SLC6A7: variants seen among roughly 807,000 people sequenced by gnomAD.
SLC6A7 encodes the protein sodium-dependent proline transporter.
Under a neutral mutation model 73.1 loss-of-function variants are expected in SLC6A7, and 58 were observed. The observed-to-expected ratio is 0.79, with a 90% confidence interval of 0.64 to 0.99. The LOEUF (loss-of-function observed/expected upper bound fraction) is 0.99, where lower values mean the gene tolerates loss of function less well. Among genes scored for constraint, SLC6A7 ranks in the 50% least tolerant of loss-of-function variants. SLC6A7 has a pLI of 0.00. For missense variants in SLC6A7, 783 were observed against 831.4 expected (o/e 0.94, Z 0.72); for synonymous variants, 338 against 338.7 (o/e 1.00, Z 0.02).
chr5:150,202,610 A>T lies in SLC6A7; in HGVS notation c.994A>T (p.Ile332Phe), dbSNP rs866019835. The change falls in exon 8 of 14, where the codon ATC (isoleucine) becomes TTC (phenylalanine). Residue 332 changes from isoleucine (I) to phenylalanine (F), a missense_variant. Coordinates refer to ENST00000230671, the MANE Select transcript of SLC6A7 (RefSeq NM_014228.5). The stretch of plus-strand genomic sequence containing the variant: ...TTTCATCGTCACTCTGGGCAACGCC[A>T]TCACCAGCATCCTGGCTGGCTTTGC... ...DTFIVTLGNAITSILAGFAIF... is the reference protein window; with the variant it reads ...DTFIVTLGNAFTSILAGFAIF... 6.2e-7 allele frequency: 1 copy of T among 1,614,242 alleles called. No homozygotes were observed. Among genetic ancestry groups the T allele is most frequent in the Non-Finnish European group, 8.5e-7 (1 of 1,180,040 alleles).
chr5:150,204,667 C>T lies in SLC6A7; in HGVS notation c.1432+36C>T, dbSNP rs74439059. 2.9e-3 allele frequency: 4,350 copies of T among 1,511,372 alleles called. 102 individuals carry two copies. In the African/African-American group the frequency reaches 0.051, roughly 18 times the overall value. 93.6% of individuals were successfully genotyped at this position (1,511,372 alleles called of 1,614,324 possible). A position where few individuals can be genotyped will look rare whatever the true frequency, so the allele number is the denominator to read the frequency against. On this transcript the variant is annotated intron_variant, in intron 11 of 13. Coordinates refer to ENST00000230671, the MANE Select transcript of SLC6A7 (RefSeq NM_014228.5). ...CCGTGGGAAGTGGAGTCGAGCTCTC[C>T]GCAGTGGGAGAATGGGAGTCTACCC...
chr5:150,194,352 C>T (rs1752916595), intron 1 of SLC6A7, among the ~76,000 whole-genome samples: 1 of 151,792 alleles, frequency 6.6e-6, no homozygotes, highest in African/African-American at 2.4e-5. Context: ...TTGCTTGAAC[C>T]CGGGAGGTGG....
chr5:150,196,170 C>A (rs1235231384), intron 2 of SLC6A7, among the ~76,000 whole-genome samples: 2 of 152,228 alleles, frequency 1.3e-5, no homozygotes, highest in African/African-American at 2.4e-5. Context: ...ACACTTCCAA[C>A]TAATTCTGCC....
In SLC6A7 at chr5:150,201,149, G is replaced by A; in HGVS notation, c.784G>A (p.Val262Ile). 6.2e-7 allele frequency: 1 copy of A among 1,613,798 alleles called. No individual in the cohort carries two copies. The highest frequency in any genetic ancestry group is 8.5e-7 in the Non-Finnish European group (1 of 1,179,842). The change falls in exon 6 of 14, where the codon GTC (valine) becomes ATC (isoleucine). Residue 262 changes from valine to isoleucine, a missense_variant. By Grantham distance (29) the Val-to-Ile change is conservative (BLOSUM62 3). Transcript: ENST00000230671. ...LILLMLLVRG[V>I]TLPGAWKGIQ... is the part of the protein sequence containing the mutation. ...CCTGCTCATGCTGCTGGTCCGCGGA[G>A]TCACCCTCCCAGGGGCCTGGAAGGG...
In SLC6A7 at chr5:150,209,450, G is replaced by C; in HGVS notation, c.1746G>C (p.Ser582=). The change falls in exon 14 of 14, where the codon TCG becomes TCC. Residue 582 remains serine, a synonymous_variant. Coordinates refer to ENST00000230671, the MANE Select transcript of SLC6A7 (RefSeq NM_014228.5). ...GGCCGGCCATGGACTGGGGACCATC[G>C]CTGGAGGAGAACCGGACGGGCATGT... ...ASRPAMDWGP[S]LEENRTGMYV... 3 of 1,614,070 alleles carry C rather than the reference G, an allele frequency of 1.9e-6. No homozygotes were observed. The highest frequency in any genetic ancestry group is 2.5e-6 in the Non-Finnish European group (3 of 1,180,048).
chr5:150,202,278 T>G, intron 6 of SLC6A7, 69 bp from the exon 7 acceptor site: 1 of 1,084,918 alleles, frequency 9.2e-7, no homozygotes, highest in South Asian at 1.3e-5. Flanking sequence ...CACACCATCT[T>G]CATTCACTGC....
intron 13 of SLC6A7, among the ~76,000 whole-genome samples, chr5:150,206,810 G>A (rs1272245260): frequency 6.6e-6 from 1 of 152,206 alleles, no homozygotes; most frequent in Non-Finnish European, 1.5e-5. Flanking sequence ...GCTTAGGGGG[G>A]AGGCTCCAGC....
intron 1 of SLC6A7, among the ~76,000 whole-genome samples, chr5:150,192,442 G>A (rs148691049): frequency 7.9e-4 from 120 of 152,308 alleles, no homozygotes; most frequent in African/African-American, 2.8e-3. Context: ...GGAGATTCAG[G>A]AGTGGGAGGC....
rs768780763 is a variant in SLC6A7, at chr5:150,203,653, T to G, written c.1088-14T>G. 3.5e-6 allele frequency: 5 copies of G among 1,437,936 alleles called. No homozygotes were observed. The highest frequency in any genetic ancestry group is 4.9e-6 in the Non-Finnish European group (5 of 1,019,218). The allele number at this position is 1,437,936 out of a possible 1,614,324, so 89.1% of individuals were successfully genotyped here. A position where few individuals can be genotyped will look rare whatever the true frequency, so the allele number is the denominator to read the frequency against. On this transcript the variant is annotated splice_polypyrimidine_tract_variant and intron_variant, in intron 8 of 13. Transcript: ENST00000230671. ...CATGACCCAAGCTGCTGACCCCGTGTGCCCCTGGCCCAGGCCCTGGCCTGG... is the reference window on the plus strand; with the variant it reads ...CATGACCCAAGCTGCTGACCCCGTGGGCCCCTGGCCCAGGCCCTGGCCTGG...
chr5:150,192,803 T>C, intron 1 of SLC6A7, among the ~76,000 whole-genome samples: 1 of 152,126 alleles, frequency 6.6e-6, no homozygotes, highest in East Asian at 1.9e-4. Context: ...GGATCCTCAT[T>C]ACTGGGACCT....
intron 1 of SLC6A7, among the ~76,000 whole-genome samples, chr5:150,194,430 A>G (rs1752921051): frequency 1.4e-5 from 2 of 146,722 alleles, no homozygotes; most frequent in Admixed American, 1.3e-4. Context: ...CTCTTTCTCA[A>G]TTAAAAAAAA....
At chr5:150,198,083 GAAA>G (rs1753139080) in intron 4 of SLC6A7, among the ~76,000 whole-genome samples, 6 of 100,806 alleles carry the variant, frequency 6.0e-5, no homozygotes, top group African/African-American at 1.6e-4. Flanking sequence ...AAGAAAGAAA[GAAA>G]GAAAGAAAGA....
At chr5:150,195,450 G>A (rs908593089) in intron 2 of SLC6A7, among the ~76,000 whole-genome samples, 1 of 152,186 alleles carries the variant, frequency 6.6e-6, no homozygotes, top group African/African-American at 2.4e-5. Flanking sequence ...AGTCTCATTA[G>A]CAAAAGCTGG....
At chr5:150,205,721 T>G (rs1753666531) in intron 13 of SLC6A7, 98 bp downstream of exon 13, 2 of 1,089,560 alleles carry the variant, frequency 1.8e-6, no homozygotes, top group Non-Finnish European at 2.6e-6. Flanking sequence ...CCACCCCTTA[T>G]CCAGCTTCTT....
intron 2 of SLC6A7, 64 bp from the exon 3 acceptor site, chr5:150,196,652 G>A (rs1424925734): frequency 6.5e-7 from 1 of 1,542,540 alleles, no homozygotes; most frequent in Admixed American, 1.8e-5. Context: ...GAGGGGCGGG[G>A]CTAGAGCTGG....
At chr5:150,207,246 T>C (rs1207286622) in intron 13 of SLC6A7, among the ~76,000 whole-genome samples, 2 of 151,850 alleles carry the variant, frequency 1.3e-5, no homozygotes, top group Non-Finnish European at 2.9e-5. Flanking sequence ...AATAGGCAGG[T>C]TTTTTTGTCT....
chr5:150,197,673 C>G (rs1462830660), intron 4 of SLC6A7, among the ~76,000 whole-genome samples: 2 of 152,094 alleles, frequency 1.3e-5, no homozygotes, highest in Admixed American at 1.3e-4. Context: ...TCCTCTGTAA[C>G]AGGGGTTGGT....
In SLC6A7 at chr5:150,199,365, A is replaced by T; in HGVS notation, c.722A>T (p.Lys241Met). Residue 241 changes from lysine (K) to methionine (M), a missense_variant and splice_region_variant, in exon 5 of 14, where the codon AAG becomes ATG. Lys to Met is a moderately conservative substitution (Grantham distance 95). Coordinates refer to ENST00000230671, the MANE Select transcript of SLC6A7 (RefSeq NM_014228.5). ...CTCAAGGGTGTGAAGTCTTCGGGCA[A>T]GGTGAAGCCTGGGAGGCCCCGGAGG... is the stretch of plus-strand genomic sequence containing the variant. ...CILKGVKSSGKVVYFTATFPY... is the reference protein window; with the variant it reads ...CILKGVKSSGMVVYFTATFPY... The T allele has an allele frequency of 1.9e-6, 3 of 1,612,012 alleles. No homozygotes were observed. The highest frequency in any genetic ancestry group is 2.7e-5 in the African/African-American group (2 of 74,996).
chr5:150,205,957 C>T (rs1753678456), intron 13 of SLC6A7, among the ~76,000 whole-genome samples: 1 of 152,190 alleles, frequency 6.6e-6, no homozygotes, highest in African/African-American at 2.4e-5. Flanking sequence ...CAAATGGCGA[C>T]AGTGAGGGAC....
Sources: allele counts gnomAD v4.1 joint callset (sites outside exome capture counted in the v4.1 genomes callset), GRCh38; gene constraint gnomAD v4.1.1; transcripts MANE v1.5; gene names NCBI Gene and HGNC (gene_info 2026-07-23, HGNC 2026-07-21).